Variants in KCNIP4 observed in about 807,000 individuals in gnomAD.
The protein encoded by KCNIP4 is potassium voltage-gated channel interacting protein 4.
A neutral mutation model predicts 34.0 loss-of-function variants in KCNIP4; 12 were observed. The observed-to-expected ratio is 0.35, with a 90% CI of 0.23 to 0.57. The LOEUF (loss-of-function observed/expected upper bound fraction) is 0.57, where lower values mean the gene tolerates loss of function less well. Among genes scored for constraint, KCNIP4 ranks in the 20% least tolerant of loss-of-function variants. The pLI, the probability that KCNIP4 is intolerant of heterozygous loss-of-function variation, is 0.83. For synonymous variants in KCNIP4, 124 were observed against 102.2 expected (o/e 1.21, Z -1.29); for missense variants, 238 against 311.7 (o/e 0.76, Z 1.78).
At chr4:20,969,367 C>T (rs1734694850) in intron 1 of KCNIP4, among the ~76,000 whole-genome samples, 1 of 152,184 alleles carries the variant, frequency 6.6e-6, no homozygotes, top group South Asian at 2.1e-4. Context: ...GACAAAGTTT[C>T]TTGGAATCAC....
In KCNIP4 at chr4:20,752,098, C is replaced by T. The variant is rs77629062; in HGVS notation, c.359-2366G>A. ...TTTGAGACAAAGTACTGCTCTTGTC[C>T]CCCAGGCTGGAGTGCAATGGCACGA... On this transcript the variant is annotated intron_variant, in intron 4 of 8. Transcript: ENST00000382152. Among the ~76,000 whole-genome samples the T allele has an allele frequency of 2.3e-3, 322 of 141,468 alleles. 8 individuals are homozygous for T. The South Asian group carries it at 0.045, about 20-fold the overall frequency. 92.8% of individuals were successfully genotyped at this position (141,468 alleles called of 152,430 possible).
intron 1 of KCNIP4, among the ~76,000 whole-genome samples, chr4:21,034,574 A>G (rs1311932799): frequency 6.6e-6 from 1 of 152,038 alleles, no homozygotes; most frequent in Non-Finnish European, 1.5e-5. Flanking sequence ...CCCAAAGTTG[A>G]GTTCTGGGTG....
chr4:21,333,767 A>G (rs1448962188), intron 1 of KCNIP4, among the ~76,000 whole-genome samples: 4 of 152,146 alleles, frequency 2.6e-5, no homozygotes, highest in Non-Finnish European at 5.9e-5. Flanking sequence ...ATCAATAAAA[A>G]TCTTCTACAT....
At chr4:21,704,168 A>G (rs891139508) in intron 1 of KCNIP4, among the ~76,000 whole-genome samples, 3 of 152,054 alleles carry the variant, frequency 2.0e-5, no homozygotes, top group Non-Finnish European at 4.4e-5. Flanking sequence ...CCTTGTATAA[A>G]TACTAGCTCA....
At chr4:21,667,570 T>C (rs1185315890) in intron 1 of KCNIP4, among the ~76,000 whole-genome samples, 1 of 152,208 alleles carries the variant, frequency 6.6e-6, no homozygotes, top group East Asian at 1.9e-4. Context: ...ATTTTTGTAA[T>C]AAAATTTCAA....
At chr4:21,940,260 C>T (rs1439168592) in intron 1 of KCNIP4, among the ~76,000 whole-genome samples, 2 of 152,022 alleles carry the variant, frequency 1.3e-5, no homozygotes, top group African/African-American at 2.4e-5. Flanking sequence ...AGAACAAACA[C>T]AGAACTTCAA....
intron 1 of KCNIP4, among the ~76,000 whole-genome samples, chr4:21,500,526 C>T (rs10014209): frequency 0.35 from 52,706 of 151,846 alleles, 9,437 homozygotes; most frequent in African/African-American, 0.42. Flanking sequence ...ATTCCAATCA[C>T]GATTTTTTAG....
At chr4:21,943,183 T>C (rs1229059010) in intron 1 of KCNIP4, among the ~76,000 whole-genome samples, 1 of 152,218 alleles carries the variant, frequency 6.6e-6, no homozygotes, top group African/African-American at 2.4e-5. Context: ...AGACAAATTA[T>C]GTCCAGTGAA....
At chr4:21,845,057 G>A (rs1723929812) in intron 1 of KCNIP4, 2 of 151,958 alleles carry the variant, frequency 1.3e-5, no homozygotes, top group South Asian at 4.2e-4. Context: ...TAGGAAGGAT[G>A]TTTAAAACCT....
intron 1 of KCNIP4, among the ~76,000 whole-genome samples, chr4:21,352,468 G>A (rs1348689644): frequency 6.6e-6 from 1 of 152,238 alleles, no homozygotes; most frequent in Admixed American, 6.5e-5. Flanking sequence ...CAGACCAGGA[G>A]ATTCTCTCCT....
At chr4:21,586,636 G>A (rs1251344759) in intron 1 of KCNIP4, among the ~76,000 whole-genome samples, 2 of 152,024 alleles carry the variant, frequency 1.3e-5, no homozygotes, top group Non-Finnish European at 2.9e-5. Context: ...GAAGACTCTT[G>A]ACAAAGAACA....
chr4:21,549,003 A>G (rs1738353782), intron 1 of KCNIP4, among the ~76,000 whole-genome samples: 1 of 151,900 alleles, frequency 6.6e-6, no homozygotes. Context: ...GCCTCCACCT[A>G]CTAGATGCTA....
At chr4:20,985,216 C>G (rs1325199466) in intron 1 of KCNIP4, among the ~76,000 whole-genome samples, 1 of 152,164 alleles carries the variant, frequency 6.6e-6, no homozygotes, top group East Asian at 1.9e-4. Flanking sequence ...GTGCAAGACA[C>G]TTAACCACTC....
chr4:21,879,466 T>C (rs1174375472), intron 1 of KCNIP4, among the ~76,000 whole-genome samples: 2 of 152,248 alleles, frequency 1.3e-5, no homozygotes, highest in Non-Finnish European at 2.9e-5. Flanking sequence ...CAAGCCTGAC[T>C]GTTGGCTGAA....
At chr4:21,216,398 G>C (rs918809629) in intron 1 of KCNIP4, among the ~76,000 whole-genome samples, 1 of 152,294 alleles carries the variant, frequency 6.6e-6, no homozygotes, top group Admixed American at 6.5e-5. Context: ...CTAACTATAA[G>C]TGTGTTAATT....
At chr4:21,458,971 C>A (rs1729209974) in intron 1 of KCNIP4, among the ~76,000 whole-genome samples, 1 of 152,064 alleles carries the variant, frequency 6.6e-6, no homozygotes, top group African/African-American at 2.4e-5. Context: ...CATCCCCTTT[C>A]ACCTGCTCTA....
chr4:21,237,542 G>A lies in KCNIP4; in HGVS notation c.62-354833C>T, dbSNP rs559372327. On this transcript the variant is annotated intron_variant, in intron 1 of 8. Coordinates refer to ENST00000382152, the MANE Select transcript of KCNIP4 (RefSeq NM_025221.6). Reference sequence around the variant, plus strand: ...AATACACGCAATAAAAAATGATAACGGGGATATCACCACCAACCCCACAGA... The same window carrying A: ...AATACACGCAATAAAAAATGATAACAGGGATATCACCACCAACCCCACAGA... Among the ~76,000 whole-genome samples, 40 of 151,972 alleles carry A rather than the reference G, an allele frequency of 2.6e-4. 1 individual carries two copies. Among genetic ancestry groups the A allele is most frequent in the Non-Finnish European group, 4.4e-4 (30 of 68,004 alleles).
intron 1 of KCNIP4, among the ~76,000 whole-genome samples, chr4:21,816,660 T>G (rs1722006510): frequency 6.6e-6 from 1 of 152,192 alleles, no homozygotes; most frequent in Admixed American, 6.6e-5. Context: ...TGCCATCCTC[T>G]GATGAGGATT....
rs149860759 is a variant in KCNIP4, at chr4:21,362,652, C to T, written c.62-479943G>A. Among the ~76,000 whole-genome samples, 1,198 of 152,212 alleles carry T rather than the reference C, an allele frequency of 7.9e-3. 2 individuals carry two copies. Among genetic ancestry groups the T allele is most frequent in the Non-Finnish European group, 0.014 (937 of 68,014 alleles). ...AAAGTAAAACACGTTCAGTCTTTGTCCTCCCCTGCACAAATGAACTCATTG... is the reference window on the plus strand; with the variant it reads ...AAAGTAAAACACGTTCAGTCTTTGTTCTCCCCTGCACAAATGAACTCATTG... On this transcript the variant is annotated intron_variant, in intron 1 of 8. Coordinates refer to ENST00000382152, the MANE Select transcript of KCNIP4 (RefSeq NM_025221.6).
Sources: allele counts gnomAD v4.1 joint callset (sites outside exome capture counted in the v4.1 genomes callset), GRCh38; gene constraint gnomAD v4.1.1; transcripts MANE v1.5; gene names NCBI Gene and HGNC (gene_info 2026-07-23, HGNC 2026-07-21).